Variants in JAZF1 observed in about 807,000 individuals in gnomAD.
JAZF1 encodes the protein JAZF zinc finger 1.
In JAZF1, 8 loss-of-function variants were observed where a neutral mutation model predicts 26.4. The observed-to-expected ratio is 0.30, with a 90% CI of 0.18 to 0.55. JAZF1 has a LOEUF of 0.55. Ranked by LOEUF, JAZF1 falls within the 20% of genes least tolerant of loss-of-function variation. JAZF1 has a pLI of 0.94. For missense variants in JAZF1, 199 were observed against 322.0 expected, an observed-to-expected ratio of 0.62 and a Z score of 2.92; for synonymous variants, 126 against 122.3, an observed-to-expected ratio of 1.03 and a Z score of -0.20.
At chr7:27,887,448 C>T (rs1002417950) in intron 3 of JAZF1, among the ~76,000 whole-genome samples, 4 of 152,094 alleles carry the variant, frequency 2.6e-5, no homozygotes, top group African/African-American at 7.3e-5. Context: ...TGAAGTATCA[C>T]TCTGTTACCC....
At chr7:27,884,271 C>T in intron 3 of JAZF1, among the ~76,000 whole-genome samples, 1 of 152,188 alleles carries the variant, frequency 6.6e-6, no homozygotes, top group East Asian at 1.9e-4. Flanking sequence ...ACTGGGACTA[C>T]AGGCATGTGC....
In JAZF1 at chr7:27,830,829, T is replaced by G. The variant is rs1268934536; in HGVS notation, c.*1971A>C. The stretch of plus-strand genomic sequence containing the variant: ...CCCATCCTTACCTGTTTAGTAATAC[T>G]GTCACAATGAATAAGTAAATAGAAA... On this transcript the variant is annotated 3_prime_UTR_variant, in exon 5 of 5. Coordinates refer to ENST00000283928, the MANE Select transcript of JAZF1 (RefSeq NM_175061.4). 1 of 207,768 alleles carries G rather than the reference T, an allele frequency of 4.8e-6. No individual in the cohort carries two copies. Among genetic ancestry groups the G allele is most frequent in the Non-Finnish European group, 9.8e-6 (1 of 101,620 alleles). 12.9% of individuals were successfully genotyped at this position (207,768 alleles called of 1,614,324 possible). A position where few individuals can be genotyped will look rare whatever the true frequency, so the allele number is the denominator to read the frequency against.
chr7:28,071,996 C>T (rs993648551), intron 1 of JAZF1, among the ~76,000 whole-genome samples: 3 of 152,328 alleles, frequency 2.0e-5, no homozygotes, highest in Non-Finnish European at 4.4e-5. Context: ...GTAAGTTTAA[C>T]ATCGTAGTAT....
At chr7:27,884,066 CCTGTT>C (rs1783818927) in intron 3 of JAZF1, among the ~76,000 whole-genome samples, 1 of 152,198 alleles carries the variant, frequency 6.6e-6, no homozygotes. Context: ...GTTGTGGACT[CCTGTT>C]CTTCATTCCT....
chr7:27,831,805 C>T lies in JAZF1; in HGVS notation c.*995G>A. The T allele has an allele frequency of 4.5e-6, 1 of 221,082 alleles. No homozygotes were observed. The highest frequency in any genetic ancestry group is 9.1e-6 in the Non-Finnish European group (1 of 110,256). The allele number at this position is 221,082 out of a possible 1,614,324, so 13.7% of individuals were successfully genotyped here. A position where few individuals can be genotyped will look rare whatever the true frequency, so the allele number is the denominator to read the frequency against. ...AATTTTAGTTCTGATTTGCAACCCA[C>T]AGGTTTGGTAGGGCAGTGGTTGCAA... On this transcript the variant is annotated 3_prime_UTR_variant, in exon 5 of 5. Coordinates refer to ENST00000283928, the MANE Select transcript of JAZF1 (RefSeq NM_175061.4).
At chr7:28,107,329 T>C (rs974087357) in intron 1 of JAZF1, among the ~76,000 whole-genome samples, 1 of 152,218 alleles carries the variant, frequency 6.6e-6, no homozygotes, top group Non-Finnish European at 1.5e-5. Context: ...TGAGCCCATA[T>C]AGTAGCTGAG....
intron 1 of JAZF1, among the ~76,000 whole-genome samples, chr7:28,023,152 G>GC (rs1234839066): frequency 3.9e-5 from 6 of 152,176 alleles, no homozygotes; most frequent in Admixed American, 3.9e-4. Context: ...GATTACCATG[G>GC]CCTAGAATGG....
chr7:27,951,158 T>A (rs1785002467), intron 2 of JAZF1, among the ~76,000 whole-genome samples: 3 of 152,162 alleles, frequency 2.0e-5, no homozygotes, highest in Admixed American at 6.5e-5. Context: ...TAGTAAGGAC[T>A]CAATAAAAGG....
chr7:27,867,478 G>A (rs994120155), intron 3 of JAZF1, among the ~76,000 whole-genome samples: 2 of 152,184 alleles, frequency 1.3e-5, no homozygotes, highest in African/African-American at 4.8e-5. Flanking sequence ...CATGAAAAAC[G>A]AGTTTTATGA....
At chr7:27,926,349 G>C (rs1159020628) in intron 2 of JAZF1, among the ~76,000 whole-genome samples, 2 of 152,156 alleles carry the variant, frequency 1.3e-5, no homozygotes, top group Admixed American at 1.3e-4. Flanking sequence ...ACCTTCAACA[G>C]CAACACTGTA....
intron 2 of JAZF1, 99 bp from the exon 3 acceptor site, chr7:27,895,515 G>A: frequency 1.2e-6 from 1 of 801,388 alleles, no homozygotes; most frequent in Non-Finnish European, 1.8e-6. Context: ...CCTGGAAAAG[G>A]ACCTTGGCCA....
At chr7:27,909,006 C>CATTA (rs1784311723) in intron 2 of JAZF1, among the ~76,000 whole-genome samples, 3 of 128,920 alleles carry the variant, frequency 2.3e-5, no homozygotes, top group Non-Finnish European at 1.7e-5. Flanking sequence ...GAATAATATT[C>CATTA]ATTCATTCAT....
chr7:27,911,978 CATTT>C (rs1474474473), intron 2 of JAZF1, among the ~76,000 whole-genome samples: 14 of 152,186 alleles, frequency 9.2e-5, no homozygotes, highest in South Asian at 2.1e-4. Context: ...TGAAAAAGTA[CATTT>C]ATTTATTTGA....
chr7:28,012,016 C>T (rs866961410), intron 1 of JAZF1, among the ~76,000 whole-genome samples: 6 of 152,326 alleles, frequency 3.9e-5, no homozygotes, highest in Non-Finnish European at 5.9e-5. Flanking sequence ...CCAGGCTCGA[C>T]ATGCCCGTAA....
chr7:28,098,264 G>C (rs550003650), intron 1 of JAZF1, among the ~76,000 whole-genome samples: 1 of 152,128 alleles, frequency 6.6e-6, no homozygotes, highest in Admixed American at 6.5e-5. Context: ...CCACAAACCA[G>C]GTAGCAGGCC....
chr7:27,942,070 G>C (rs765709848), intron 2 of JAZF1, among the ~76,000 whole-genome samples: 59 of 152,222 alleles, frequency 3.9e-4, no homozygotes, highest in Non-Finnish European at 7.6e-4. Context: ...TGAGTGAGGG[G>C]AATGGAAGGT....
intron 3 of JAZF1, among the ~76,000 whole-genome samples, chr7:27,868,968 C>T (rs1783532971): frequency 6.6e-6 from 1 of 152,184 alleles, no homozygotes; most frequent in Admixed American, 6.5e-5. Context: ...TGTGTGGGCT[C>T]TTTCCTCCAC....
At chr7:28,041,443 A>G (rs1783389182) in intron 1 of JAZF1, among the ~76,000 whole-genome samples, 1 of 152,214 alleles carries the variant, frequency 6.6e-6, no homozygotes, top group Non-Finnish European at 1.5e-5. Context: ...GGGAAAAATG[A>G]AACTAGACAT....
intron 1 of JAZF1, among the ~76,000 whole-genome samples, chr7:28,170,860 G>A (rs1435230305): frequency 6.6e-6 from 1 of 152,218 alleles, no homozygotes; most frequent in South Asian, 2.1e-4. Flanking sequence ...CAGCAAAGCC[G>A]GCCCTGGCTA....
Sources: gnomAD v4.1 joint callset for allele counts (sites outside exome capture counted in the v4.1 genomes callset) on GRCh38, gnomAD v4.1.1 for gene constraint, MANE v1.5 for transcripts, NCBI Gene and HGNC (gene_info 2026-07-23, HGNC 2026-07-21) for gene names.